DAB2: variants seen among roughly 807,000 people sequenced by gnomAD.
DAB2 encodes DAB adaptor protein 2.
DAB2 carries 28 observed loss-of-function variants against 71.6 expected under a neutral mutation model. That is an observed-to-expected ratio of 0.39 (90% confidence interval 0.29 to 0.54). The LOEUF is 0.54. DAB2 is among the 20% of genes least tolerant of loss of function. The pLI, the probability that DAB2 is intolerant of heterozygous loss-of-function variation, is 0.68. For missense variants in DAB2, 867 were observed against 928.8 expected, an observed-to-expected ratio of 0.93 and a Z score of 0.86; for synonymous variants, 345 against 339.7, an observed-to-expected ratio of 1.02 and a Z score of -0.17.
At chr5:39,402,962 T>A (rs1755536207) in intron 1 of DAB2, among the ~76,000 whole-genome samples, 1 of 152,178 alleles carries the variant, frequency 6.6e-6, no homozygotes, top group Non-Finnish European at 1.5e-5. Context: ...TCTGGGAAAA[T>A]TTTACTGTGG....
At position 39,423,382 on chromosome 5, in the gene DAB2, A is replaced by T. The variant is rs1022113918; in HGVS notation, c.-102+1422T>A. ...AGGCAATAAACTTTCTTACAGTGTC[A>T]CTGAGGGCCATCTCCCTTCCAAGAG... On this transcript the variant is annotated intron_variant, in intron 1 of 14. Transcript: ENST00000320816. Among the ~76,000 whole-genome samples, 4 of 1,628 alleles carry T rather than the reference A, an allele frequency of 2.5e-3. No individual in the cohort carries two copies. In the African/African-American group the frequency reaches 0.032, roughly 13 times the overall value. 1.1% of individuals were successfully genotyped at this position (1,628 alleles called of 152,430 possible).
rs117380431 is a variant in DAB2, at chr5:39,394,619, T to C, written c.-101-198A>G. 8.5e-5 allele frequency among the ~76,000 whole-genome samples: 13 copies of C among 152,334 alleles called. No homozygotes were observed. In the East Asian group the frequency reaches 2.5e-3, roughly 29 times the overall value. ...CCTTTGTAGTTTCCAAAATGGAACATGTGTGCCTATTAGTTTTTTCTTTAA... is the reference window on the plus strand; with the variant it reads ...CCTTTGTAGTTTCCAAAATGGAACACGTGTGCCTATTAGTTTTTTCTTTAA... On this transcript the variant is annotated intron_variant, in intron 1 of 14. Coordinates refer to ENST00000320816, the MANE Select transcript of DAB2 (RefSeq NM_001343.4).
chr5:39,409,641 T>G (rs573349665), intron 1 of DAB2, among the ~76,000 whole-genome samples: 1 of 152,288 alleles, frequency 6.6e-6, no homozygotes, highest in Non-Finnish European at 1.5e-5. Flanking sequence ...GTCTACCCTT[T>G]CACAAACATG....
chr5:39,406,780 C>T (rs1440762684), intron 1 of DAB2, among the ~76,000 whole-genome samples: 1 of 152,070 alleles, frequency 6.6e-6, no homozygotes, highest in African/African-American at 2.4e-5. Context: ...TCCCTCCCAT[C>T]CTAAATCCAA....
At chr5:39,386,346 A>ATTTC (rs1162314865) in intron 9 of DAB2, among the ~76,000 whole-genome samples, 1 of 152,182 alleles carries the variant, frequency 6.6e-6, no homozygotes, top group East Asian at 1.9e-4. Flanking sequence ...GGTAATTTAG[A>ATTTC]TTTCTTTCTC....
At chr5:39,395,337 A>C (rs1755335146) in intron 1 of DAB2, among the ~76,000 whole-genome samples, 2 of 152,206 alleles carry the variant, frequency 1.3e-5, no homozygotes, top group African/African-American at 4.8e-5. Flanking sequence ...GTGTTAAGAC[A>C]ACCTGTGGGC....
chr5:39,400,149 A>G (rs755807266), intron 1 of DAB2, among the ~76,000 whole-genome samples: 1 of 152,158 alleles, frequency 6.6e-6, no homozygotes, highest in Non-Finnish European at 1.5e-5. Flanking sequence ...TATTTTTAAC[A>G]TTAAGGGGAA....
chr5:39,391,932 G>A (rs1755236370), intron 4 of DAB2, among the ~76,000 whole-genome samples: 1 of 145,606 alleles, frequency 6.9e-6, no homozygotes, highest in East Asian at 2.0e-4. Flanking sequence ...CAAACTAGGG[G>A]TTAAAATTAA....
Position 39,373,200 on chromosome 5 carries a change from A to C in DAB2, c.*231T>G, listed in dbSNP as rs1282224568. 6.6e-6 allele frequency: 1 copy of C among 152,288 alleles called. No individual in the cohort carries two copies. The highest frequency in any genetic ancestry group is 1.5e-5 in the Non-Finnish European group (1 of 68,014). 9.4% of individuals were successfully genotyped at this position (152,288 alleles called of 1,614,324 possible). On this transcript the variant is annotated 3_prime_UTR_variant, in exon 15 of 15. Transcript: ENST00000320816. ...TACTTCATTTACACTTAAGCTAGAG[A>C]GTTTAGGATCTTAATTTATTTAAAG...
rs1253495190 is a variant in DAB2, at chr5:39,372,758, T to A, written c.*673A>T. 1 of 152,098 alleles carries A rather than the reference T, an allele frequency of 6.6e-6. No individual in the cohort carries two copies. The highest frequency in any genetic ancestry group is 2.4e-5 in the African/African-American group (1 of 41,422). 9.4% of individuals were successfully genotyped at this position (152,098 alleles called of 1,614,324 possible). ...GGGGAGGAGAGATGAATAATGTTCT[T>A]CCCTCATTTGCAATAGCTAGCAAGA... On this transcript the variant is annotated 3_prime_UTR_variant, in exon 15 of 15. Coordinates refer to ENST00000320816, the MANE Select transcript of DAB2 (RefSeq NM_001343.4).
At chr5:39,388,739 G>T in intron 8 of DAB2, 60 bp downstream of exon 8, 1 of 1,359,330 alleles carries the variant, frequency 7.4e-7, no homozygotes, top group African/African-American at 1.4e-5. Flanking sequence ...AACATCTACA[G>T]GAAGTAGAAC....
chr5:39,392,127 C>G (rs546000963), intron 4 of DAB2: 2 of 369,894 alleles, frequency 5.4e-6, no homozygotes, highest in African/African-American at 2.1e-5. Context: ...GAATCTAAGC[C>G]TATTAACAGA....
At chr5:39,399,401 A>G (rs1257114908) in intron 1 of DAB2, among the ~76,000 whole-genome samples, 1 of 152,236 alleles carries the variant, frequency 6.6e-6, no homozygotes, top group Non-Finnish European at 1.5e-5. Flanking sequence ...CTTCATTAGA[A>G]GATTGAAAAG....
chr5:39,402,169 C>G (rs1233281286), intron 1 of DAB2, among the ~76,000 whole-genome samples: 1 of 152,080 alleles, frequency 6.6e-6, no homozygotes, highest in Non-Finnish European at 1.5e-5. Context: ...TACCTCCCAC[C>G]AGGTCCCTCC....
rs376150832 is a variant in DAB2, at chr5:39,408,646, C to T, written c.-101-14225G>A. On this transcript the variant is annotated intron_variant, in intron 1 of 14. Transcript: ENST00000320816. Reference sequence around the variant, plus strand: ...TGGTTCTTCATGATTTAGTTAATTTCCTTTAGACAAGACATGGTTGCTTTC... The same window carrying T: ...TGGTTCTTCATGATTTAGTTAATTTTCTTTAGACAAGACATGGTTGCTTTC... 7.2e-5 allele frequency: 11 copies of T among 152,230 alleles called. No homozygotes were observed. The East Asian group carries it at 1.5e-3, about 21-fold the overall frequency. 9.4% of individuals were successfully genotyped at this position (152,230 alleles called of 1,614,324 possible).
chr5:39,418,710 A>T (rs1216055753), intron 1 of DAB2, among the ~76,000 whole-genome samples: 1 of 152,196 alleles, frequency 6.6e-6, no homozygotes, highest in Non-Finnish European at 1.5e-5. Flanking sequence ...TATAGGAAAG[A>T]CAGTCTTCTA....
In DAB2 at chr5:39,393,458, A is replaced by G. The variant is rs999157115; in HGVS notation, c.92-65T>C. ...CTAATTATGACCAAATATGCTCTAG[A>G]CTCTCCAAAATTTAAGTAATATAAA... On this transcript the variant is annotated intron_variant, in intron 2 of 14. Coordinates refer to ENST00000320816, the MANE Select transcript of DAB2 (RefSeq NM_001343.4). 4 of 1,519,276 alleles carry G rather than the reference A, an allele frequency of 2.6e-6. No individual in the cohort carries two copies. The African/African-American group carries it at 5.5e-5, about 21-fold the overall frequency. The allele number at this position is 1,519,276 out of a possible 1,614,324, so 94.1% of individuals were successfully genotyped here.
intron 1 of DAB2, among the ~76,000 whole-genome samples, chr5:39,403,831 GT>G (rs1010494124): frequency 6.8e-6 from 1 of 146,182 alleles, no homozygotes; most frequent in African/African-American, 2.5e-5. Flanking sequence ...TACCCATTTT[GT>G]TTTTTTTAAT....
chr5:39,416,608 G>A (rs1419590561), intron 1 of DAB2, among the ~76,000 whole-genome samples: 3 of 152,102 alleles, frequency 2.0e-5, no homozygotes, highest in Admixed American at 2.0e-4. Flanking sequence ...CTGCTAGCCT[G>A]TAATATGTAC....
Sources: gnomAD v4.1 joint callset for allele counts (sites outside exome capture counted in the v4.1 genomes callset) on GRCh38, gnomAD v4.1.1 for gene constraint, MANE v1.5 for transcripts, NCBI Gene and HGNC (gene_info 2026-07-23, HGNC 2026-07-21) for gene names.